CASP6: variants seen among roughly 807,000 people sequenced by gnomAD.
CASP6 encodes caspase 6, also known as caspase-6.
A neutral mutation model predicts 31.8 loss-of-function variants in CASP6; 20 were observed. That is an observed-to-expected ratio of 0.63 (90% CI 0.44 to 0.91). The LOEUF is 0.91. CASP6 is among the 40% of genes least tolerant of loss of function. CASP6 has a pLI of 0.00. For missense variants in CASP6, 328 were observed against 361.1 expected, an observed-to-expected ratio of 0.91 and a Z score of 0.74; for synonymous variants, 130 against 127.8, an observed-to-expected ratio of 1.02 and a Z score of -0.12.
downstream of CASP6, chr4:109,688,207 G>GTTAAC (rs575848388): frequency 6.6e-6 from 1 of 152,194 alleles, no homozygotes; most frequent in South Asian, 2.1e-4. Context: ...AGCCAAAACA[G>GTTAAC]TTAACTTTCT....
At chr4:109,693,605 G>A (rs1436059066) in intron 5 of CASP6, among the ~76,000 whole-genome samples, 1 of 149,696 alleles carries the variant, frequency 6.7e-6, no homozygotes, top group Non-Finnish European at 1.5e-5. Flanking sequence ...GAGAATAATT[G>A]AACCTGGGGG....
chr4:109,665,158 A>G, the CASP6 span, among the ~76,000 whole-genome samples: 4 of 152,194 alleles, frequency 2.6e-5, no homozygotes, highest in South Asian at 4.1e-4. Context: ...TTGGTGTTGT[A>G]TATTCTATAG....
chr4:109,668,057 A>C, the CASP6 span, among the ~76,000 whole-genome samples: 2 of 151,840 alleles, frequency 1.3e-5, no homozygotes, highest in Admixed American at 6.6e-5. Context: ...TATAGCCTTC[A>C]TTGTGATCTG....
At chr4:109,674,483 T>A in the CASP6 span, among the ~76,000 whole-genome samples, 1 of 152,266 alleles carries the variant, frequency 6.6e-6, no homozygotes, top group Admixed American at 6.5e-5. Context: ...ATATTTTGGA[T>A]GTTGTATAAG....
At chr4:109,684,262 CCAT>C (rs918514688), downstream of CASP6, among the ~76,000 whole-genome samples, 2 of 152,010 alleles carry the variant, frequency 1.3e-5, no homozygotes, top group Non-Finnish European at 2.9e-5. Flanking sequence ...CGGGGTTTCA[CCAT>C]GTTAACCAGG....
chr4:109,683,809 GA>G (rs1433217112), downstream of CASP6, among the ~76,000 whole-genome samples: 1 of 152,194 alleles, frequency 6.6e-6, no homozygotes, highest in African/African-American at 2.4e-5. Flanking sequence ...TGAATTCCTA[GA>G]AGTAGAATTG....
Position 109,698,250 on chromosome 4 carries a change from T to C in CASP6, c.83+50A>G, listed in dbSNP as rs757790300. 2.6e-6 allele frequency: 4 copies of C among 1,564,880 alleles called. No homozygotes were observed. In the South Asian group the frequency reaches 4.7e-5, roughly 18 times the overall value. On this transcript the variant is annotated intron_variant, in intron 2 of 6. Coordinates refer to ENST00000265164, the MANE Select transcript of CASP6 (RefSeq NM_001226.4). ...TCTTGCTTTGATTTCTGTAGGCTGA[T>C]CATGACCATCAAAGGAAGAGACCTT...
At chr4:109,665,009 G>GA in the CASP6 span, among the ~76,000 whole-genome samples, 1 of 152,122 alleles carries the variant, frequency 6.6e-6, no homozygotes, top group African/African-American at 2.4e-5. Flanking sequence ...AGAATGTAGA[G>GA]AGAGTTCCCA....
At chr4:109,672,620 G>C in the CASP6 span, among the ~76,000 whole-genome samples, 1 of 152,220 alleles carries the variant, frequency 6.6e-6, no homozygotes, top group African/African-American at 2.4e-5. Context: ...GAGGTGCTGA[G>C]CATCTACTGG....
At chr4:109,682,460 C>T in the CASP6 span, 4 of 760,956 alleles carry the variant, frequency 5.3e-6, no homozygotes, top group East Asian at 1.0e-4. Context: ...TGTTTGTACA[C>T]CAGCTTCCTT....
At chr4:109,665,760 TA>T in the CASP6 span, among the ~76,000 whole-genome samples, 4 of 152,104 alleles carry the variant, frequency 2.6e-5, no homozygotes, top group African/African-American at 9.7e-5. Context: ...AACCCACAAA[TA>T]AGAAGGGCTG....
chr4:109,703,283 C>G (rs1730486050), intron 1 of CASP6, 73 bp downstream of exon 1: 3 of 1,539,396 alleles, frequency 1.9e-6, no homozygotes, highest in Non-Finnish European at 2.6e-6. Flanking sequence ...GCCCGGTCCA[C>G]TAACCCTCGT....
chr4:109,699,852 G>C (rs1313561866), intron 1 of CASP6, among the ~76,000 whole-genome samples: 1 of 152,204 alleles, frequency 6.6e-6, no homozygotes, highest in Non-Finnish European at 1.5e-5. Context: ...AAAGCTGTCG[G>C]AATCTACTGC....
chr4:109,685,119 G>T, downstream of CASP6: 4 of 582,604 alleles, frequency 6.9e-6, no homozygotes, highest in South Asian at 9.5e-5. Flanking sequence ...TTACTCTCAT[G>T]GCCATTGCAA....
chr4:109,699,649 T>C lies in CASP6; in HGVS notation c.41-1307A>G, dbSNP rs1458159830. Among the ~76,000 whole-genome samples, 4 of 152,258 alleles carry C rather than the reference T, an allele frequency of 2.6e-5. No homozygotes were observed. In the South Asian group the frequency reaches 6.2e-4, roughly 24 times the overall value. On this transcript the variant is annotated intron_variant, in intron 1 of 6. Transcript: ENST00000265164. ...GGAGGAAGGAGGTGACAGCTGCATT[T>C]TTCACAAAGTGATTTTTACACTAAG...
downstream of CASP6, chr4:109,685,259 T>A (rs767249830): frequency 1.5e-6 from 2 of 1,349,182 alleles, no homozygotes; most frequent in Non-Finnish European, 2.1e-6. Flanking sequence ...AGGATTATAC[T>A]TACTCAGCTG....
At chr4:109,666,569 G>A in the CASP6 span, among the ~76,000 whole-genome samples, 1 of 152,096 alleles carries the variant, frequency 6.6e-6, no homozygotes, top group Non-Finnish European at 1.5e-5. Context: ...CTCTTCATAC[G>A]CCTATTTGCC....
At chr4:109,705,756 T>C (rs915569075), upstream of CASP6, among the ~76,000 whole-genome samples, 5 of 150,520 alleles carry the variant, frequency 3.3e-5, no homozygotes, top group African/African-American at 7.3e-5. Flanking sequence ...GGTGGATTGC[T>C]TGAGGCCAGG....
the CASP6 span, among the ~76,000 whole-genome samples, chr4:109,671,201 G>A: frequency 6.6e-6 from 1 of 152,164 alleles, no homozygotes; most frequent in Admixed American, 6.5e-5. Flanking sequence ...CAGGAAACTG[G>A]AAGTCTTAAC....
Sources: gnomAD v4.1 joint callset for allele counts (sites outside exome capture counted in the v4.1 genomes callset) on GRCh38, gnomAD v4.1.1 for gene constraint, MANE v1.5 for transcripts, NCBI Gene and HGNC (gene_info 2026-07-23, HGNC 2026-07-21) for gene names.